The following LARS2 variants were observed in gnomAD, a reference collection of about 807,000 sequenced individuals.
LARS2 encodes the protein leucyl-tRNA synthetase 2, mitochondrial, also known as leucine--tRNA ligase, mitochondrial.
A neutral mutation model predicts 116.6 loss-of-function variants in LARS2; 81 were observed. The observed-to-expected ratio is 0.69, with a 90% confidence interval of 0.58 to 0.84. The LOEUF is 0.84. Ranked by LOEUF, LARS2 falls within the 40% of genes least tolerant of loss-of-function variation. The probability of loss-of-function intolerance (pLI) is 0.00; values close to 1 mark genes in which losing one functional copy is unlikely to be tolerated. For synonymous variants in LARS2, 396 were observed against 407.2 expected (o/e 0.97, Z 0.33); for missense variants, 968 against 1,114.5 (o/e 0.87, Z 1.87).
At chr3:45,454,218 C>T (rs1053979419) in intron 7 of LARS2, among the ~76,000 whole-genome samples, 1 of 152,154 alleles carries the variant, frequency 6.6e-6, no homozygotes, top group African/African-American at 2.4e-5. Context: ...CCCAAAGTCA[C>T]CTACACCTCC....
At chr3:45,524,692 A>G (rs1397312581) in intron 20 of LARS2, among the ~76,000 whole-genome samples, 3 of 152,204 alleles carry the variant, frequency 2.0e-5, no homozygotes, top group African/African-American at 7.2e-5. Context: ...CTCCTGAAAG[A>G]TCATGCATGC....
rs11325399 is a variant in LARS2, at chr3:45,439,624, G to GTT, written c.517-7254_517-7253dup. Among the ~76,000 whole-genome samples, 422 of 145,246 alleles carry GTT rather than the reference G, an allele frequency of 2.9e-3. 1 individual carries two copies. The highest frequency in any genetic ancestry group is 4.4e-3 in the East Asian group (22 of 4,990). On this transcript the variant is annotated intron_variant, in intron 6 of 21. Transcript: ENST00000645846. ...GGGTTTAAAGTTGTTATTTCTAACTGTTTTTTTTTTTTTTATGTTTGTTTT... is the reference window on the plus strand; with the variant it reads ...GGGTTTAAAGTTGTTATTTCTAACTGTTTTTTTTTTTTTTTTATGTTTGTTTT...
intron 20 of LARS2, among the ~76,000 whole-genome samples, chr3:45,540,650 G>T (rs751719262): frequency 3.3e-5 from 5 of 152,210 alleles, no homozygotes; most frequent in Non-Finnish European, 4.4e-5. Context: ...GCCCACTTCT[G>T]CCCAGGGATC....
At position 45,526,201 on chromosome 3, in the gene LARS2, T is replaced by G. The variant is rs367905133; in HGVS notation, c.2404+2093T>G. Among the ~76,000 whole-genome samples the G allele has an allele frequency of 2.4e-3, 369 of 152,366 alleles. 12 individuals carry two copies. The South Asian group carries it at 0.07, about 29-fold the overall frequency. ...GTCCGATTTATGTTAGAAACCTCTT[T>G]ATACAATTAAAGAAATCATACCATT... is the stretch of plus-strand genomic sequence containing the variant. On this transcript the variant is annotated intron_variant, in intron 20 of 21. Coordinates refer to ENST00000645846, the MANE Select transcript of LARS2 (RefSeq NM_015340.4).
intron 6 of LARS2, among the ~76,000 whole-genome samples, chr3:45,425,950 T>C (rs1698589033): frequency 6.6e-6 from 1 of 151,408 alleles, no homozygotes; most frequent in Non-Finnish European, 1.5e-5. Flanking sequence ...GTGGGTTTGA[T>C]TGGCTGCACT....
chr3:45,464,358 G>T (rs928359485), intron 8 of LARS2, among the ~76,000 whole-genome samples: 11 of 151,726 alleles, frequency 7.2e-5, no homozygotes, highest in African/African-American at 2.7e-4. Flanking sequence ...AATGAAGACC[G>T]TTAGGGGGAC....
At chr3:45,433,674 A>G (rs1466874249) in intron 6 of LARS2, among the ~76,000 whole-genome samples, 2 of 152,024 alleles carry the variant, frequency 1.3e-5, no homozygotes, top group African/African-American at 2.4e-5. Context: ...ATTTACCCCT[A>G]TTTTTGCATC....
intron 4 of LARS2, among the ~76,000 whole-genome samples, chr3:45,412,919 C>CAT (rs1365050784): frequency 6.6e-6 from 1 of 152,266 alleles, no homozygotes; most frequent in East Asian, 1.9e-4. Context: ...TTCCAGTGCA[C>CAT]AGATGGCTGC....
At chr3:45,435,856 G>A (rs945591106) in intron 6 of LARS2, among the ~76,000 whole-genome samples, 7 of 152,090 alleles carry the variant, frequency 4.6e-5, no homozygotes, top group Non-Finnish European at 8.8e-5. Context: ...AGAGTTTTTA[G>A]TTGTATTTAG....
chr3:45,396,408 A>G (rs952344565), intron 3 of LARS2, among the ~76,000 whole-genome samples: 4 of 152,240 alleles, frequency 2.6e-5, no homozygotes, highest in Non-Finnish European at 4.4e-5. Context: ...TGAAAATCAA[A>G]TGAGAAAATG....
rs1215632034 is a variant in LARS2 at position 45,516,048 on chromosome 3, A to G, written c.1862-46A>G. 18 of 1,499,306 alleles carry G rather than the reference A, an allele frequency of 1.2e-5. 1 individual carries two copies. The Admixed American group carries it at 3.2e-4, about 27-fold the overall frequency. The allele number at this position is 1,499,306 out of a possible 1,614,324, so 92.9% of individuals were successfully genotyped here. A position where few individuals can be genotyped will look rare whatever the true frequency, so the allele number is the denominator to read the frequency against. On this transcript the variant is annotated intron_variant, in intron 16 of 21. Transcript: ENST00000645846. ...TATTGATGCTATTTCTATAGAAGCAATTCACAATGACACATACCATACCTA... is the reference window on the plus strand; with the variant it reads ...TATTGATGCTATTTCTATAGAAGCAGTTCACAATGACACATACCATACCTA...
chr3:45,434,091 C>A (rs1013432463), intron 6 of LARS2, among the ~76,000 whole-genome samples: 4 of 152,066 alleles, frequency 2.6e-5, no homozygotes, highest in African/African-American at 9.7e-5. Context: ...GTTTGGTGTT[C>A]ACTTAGCTTC....
chr3:45,487,735 T>C (rs1229298006), intron 11 of LARS2, among the ~76,000 whole-genome samples: 2 of 151,436 alleles, frequency 1.3e-5, no homozygotes, highest in Non-Finnish European at 2.9e-5. Flanking sequence ...GTACCAAGGT[T>C]GAGAAATCCT....
At chr3:45,462,661 A>C (rs1699352057) in intron 8 of LARS2, among the ~76,000 whole-genome samples, 1 of 152,160 alleles carries the variant, frequency 6.6e-6, no homozygotes, top group African/African-American at 2.4e-5. Flanking sequence ...AGGTGCTGGG[A>C]TAGGCAGTAA....
chr3:45,451,682 A>C (rs1167833483), intron 7 of LARS2, among the ~76,000 whole-genome samples: 1 of 152,046 alleles, frequency 6.6e-6, no homozygotes, highest in African/African-American at 2.4e-5. Context: ...TGCTTTGGCT[A>C]TTCAGGGTCT....
At chr3:45,478,182 TTTA>T (rs1699645830) in intron 10 of LARS2, among the ~76,000 whole-genome samples, 2 of 152,234 alleles carry the variant, frequency 1.3e-5, no homozygotes, top group African/African-American at 2.4e-5. Context: ...CTCTCTCAGG[TTTA>T]TTTTCTTTCC....
Position 45,516,144 on chromosome 3 carries a change from G to A in LARS2, c.1912G>A (p.Glu638Lys), listed in dbSNP as rs864309643. The A allele has an allele frequency of 1.9e-6, 3 of 1,614,238 alleles. No individual in the cohort carries two copies. Among genetic ancestry groups the A allele is most frequent in the Non-Finnish European group, 2.5e-6 (3 of 1,180,040 alleles). The stretch of plus-strand genomic sequence containing the variant: ...GAAAGAGAAGTTAGAGGTGACGTGG[G>A]AGAAGATGAGTAAGTCCAAACACAA... ...KTKEKLEVTW[E>K]KMSKSKHNGV... is the part of the protein sequence containing the mutation. The change falls in exon 17 of 22, where the codon GAG (glutamate) becomes AAG (lysine). Residue 638 changes from glutamate to lysine, a missense_variant. Glu to Lys is a moderately conservative substitution (Grantham distance 56). Coordinates refer to ENST00000645846, the MANE Select transcript of LARS2 (RefSeq NM_015340.4).
At chr3:45,415,569 C>A (rs1394359237) in intron 4 of LARS2, among the ~76,000 whole-genome samples, 2 of 152,102 alleles carry the variant, frequency 1.3e-5, no homozygotes, top group Non-Finnish European at 2.9e-5. Flanking sequence ...TATTTTAGGC[C>A]AGGCTCAGTG....
At chr3:45,516,377 G>C (rs1700370103) in intron 17 of LARS2, 101 bp downstream of exon 17, 1 of 1,158,696 alleles carries the variant, frequency 8.6e-7, no homozygotes, top group East Asian at 2.4e-5. Context: ...CAGTGGTAGA[G>C]AATTCTAGGA....
Sources: allele counts gnomAD v4.1 joint callset (sites outside exome capture counted in the v4.1 genomes callset), GRCh38; gene constraint gnomAD v4.1.1; transcripts MANE v1.5; gene names NCBI Gene and HGNC (gene_info 2026-07-23, HGNC 2026-07-21).